The following UGCG variants were observed in gnomAD, a reference collection of about 807,000 sequenced individuals.
The protein encoded by UGCG is ceramide glucosyltransferase.
UGCG carries 10 observed loss-of-function variants against 49.5 expected under a neutral mutation model. That is an observed-to-expected ratio of 0.20 (90% CI 0.12 to 0.34). The LOEUF (loss-of-function observed/expected upper bound fraction) is 0.34. Ranked by LOEUF, UGCG falls within the 10% of genes least tolerant of loss-of-function variation. The probability of loss-of-function intolerance (pLI) is 1.00; values close to 1 mark genes in which losing one functional copy is unlikely to be tolerated. For missense variants in UGCG, 312 were observed against 483.7 expected, an observed-to-expected ratio of 0.65 and a Z score of 3.33; for synonymous variants, 182 against 158.2, an observed-to-expected ratio of 1.15 and a Z score of -1.13.
chr9:111,932,032 A>AAAC lies in UGCG; in HGVS notation c.825-136_825-135insCAA, dbSNP rs1838434968. ...AGAACCCCGTCTCAAGTAAAAAAAA[A>AAAC]AAAACAAAACAAAAAAAGTTTAAAG... is the stretch of plus-strand genomic sequence containing the variant. On this transcript the variant is annotated intron_variant, in intron 7 of 8. Coordinates refer to ENST00000374279, the MANE Select transcript of UGCG (RefSeq NM_003358.3). 5 of 948,590 alleles carry AAAC rather than the reference A, an allele frequency of 5.3e-6. No individual in the cohort carries two copies. The East Asian group carries it at 7.8e-5, about 15-fold the overall frequency. The allele number at this position is 948,590 out of a possible 1,614,324, so 58.8% of individuals were successfully genotyped here. A position where few individuals can be genotyped will look rare whatever the true frequency, so the allele number is the denominator to read the frequency against.
Position 111,932,862 on chromosome 9 carries a change from A to AAAACTT in UGCG, c.1050_1051insAAACTT (p.Ala350_Val351insLysLeu). 6.2e-7 allele frequency: 1 copy of AAAACTT among 1,608,588 alleles called. No individual in the cohort carries two copies. Among genetic ancestry groups the AAAACTT allele is most frequent in the Non-Finnish European group, 8.5e-7 (1 of 1,177,342 alleles). ...TGTGTTTTTCAAAACTTGATTATGC[A>AAAACTT]GTCGCCTGGTTCATCCGCGAATCCA... On this transcript the variant is annotated inframe_insertion, in exon 9 of 9. Coordinates refer to ENST00000374279, the MANE Select transcript of UGCG (RefSeq NM_003358.3).
At chr9:111,904,343 C>T (rs536025135) in intron 1 of UGCG, among the ~76,000 whole-genome samples, 2 of 152,264 alleles carry the variant, frequency 1.3e-5, no homozygotes, top group African/African-American at 2.4e-5. Context: ...ACCTGCATTG[C>T]GGTGCTGCCT....
intron 3 of UGCG, among the ~76,000 whole-genome samples, chr9:111,924,054 C>T (rs1838276181): frequency 6.6e-6 from 1 of 152,150 alleles, no homozygotes; most frequent in Admixed American, 6.5e-5. Context: ...TCCCAAAGTG[C>T]TGGGATTACA....
intron 1 of UGCG, among the ~76,000 whole-genome samples, chr9:111,901,553 A>C (rs1392929591): frequency 6.6e-6 from 1 of 152,162 alleles, no homozygotes; most frequent in Non-Finnish European, 1.5e-5. Context: ...GGGGAGGGAG[A>C]GCATCAAGAA....
chr9:111,925,109 A>G (rs1838293572), intron 4 of UGCG, among the ~76,000 whole-genome samples: 1 of 152,174 alleles, frequency 6.6e-6, no homozygotes, highest in South Asian at 2.1e-4. Context: ...GAAAATTTCA[A>G]CCATTAAATT....
chr9:111,913,514 A>C (rs189977398), intron 1 of UGCG, among the ~76,000 whole-genome samples: 1 of 151,054 alleles, frequency 6.6e-6, no homozygotes, highest in African/African-American at 2.4e-5. Context: ...GCTCACTGCA[A>C]CCTCCACCCC....
intron 1 of UGCG, among the ~76,000 whole-genome samples, chr9:111,904,718 C>T (rs758621314): frequency 2.6e-5 from 4 of 151,938 alleles, no homozygotes; most frequent in African/African-American, 4.8e-5. Flanking sequence ...AAAAATTAGC[C>T]GGGTGTGGTG....
intron 1 of UGCG, among the ~76,000 whole-genome samples, chr9:111,906,828 A>T (rs1837895010): frequency 6.6e-6 from 1 of 152,084 alleles, no homozygotes; most frequent in African/African-American, 2.4e-5. Flanking sequence ...CCCTGCCTGT[A>T]CTTTATTCTC....
At chr9:111,922,985 T>C (rs1373960539) in intron 3 of UGCG, 34 bp downstream of exon 3, 2 of 1,377,250 alleles carry the variant, frequency 1.5e-6, no homozygotes, top group East Asian at 2.3e-5. Context: ...CCATTTTCCA[T>C]TGATAGTATT....
chr9:111,916,830 C>T (rs1838120543), intron 2 of UGCG, among the ~76,000 whole-genome samples: 1 of 151,748 alleles, frequency 6.6e-6, no homozygotes, highest in African/African-American at 2.4e-5. Context: ...TTTCTAATGA[C>T]CCCATAACTG....
chr9:111,907,351 CACTT>C (rs1460458043), intron 1 of UGCG, among the ~76,000 whole-genome samples: 2 of 152,144 alleles, frequency 1.3e-5, no homozygotes, highest in Non-Finnish European at 2.9e-5. Flanking sequence ...AACGATTAGA[CACTT>C]ACACACCCAG....
chr9:111,897,683 T>A (rs1837690139), intron 1 of UGCG, among the ~76,000 whole-genome samples: 1 of 151,892 alleles, frequency 6.6e-6, no homozygotes, highest in Non-Finnish European at 1.5e-5. Context: ...CTGGGCCACG[T>A]TTCTGTTAGG....
chr9:111,930,495 T>A (rs911189026), intron 6 of UGCG, among the ~76,000 whole-genome samples: 5 of 148,946 alleles, frequency 3.4e-5, no homozygotes, highest in Non-Finnish European at 5.9e-5. Flanking sequence ...TTTGAGACAG[T>A]CTCGCCCTGA....
At chr9:111,912,500 AC>A (rs1402779810) in intron 1 of UGCG, among the ~76,000 whole-genome samples, 2 of 151,684 alleles carry the variant, frequency 1.3e-5, no homozygotes, top group African/African-American at 4.8e-5. Flanking sequence ...AATCATTTGA[AC>A]CCGGGAGGCG....
In UGCG at chr9:111,896,931, G is replaced by C. The variant is rs1837670570; in HGVS notation, c.-285G>C. On this transcript the variant is annotated 5_prime_UTR_variant, in exon 1 of 9. Coordinates refer to ENST00000374279, the MANE Select transcript of UGCG (RefSeq NM_003358.3). The stretch of plus-strand genomic sequence containing the variant: ...GGCGGCCGCGAGGCTCGGGAGAGGC[G>C]AACCGGAGCGCGGGACCGCGGTCGC... The C allele has an allele frequency of 1.7e-5, 3 of 180,586 alleles. No homozygotes were observed. In the Admixed American group the frequency reaches 1.9e-4, roughly 11 times the overall value. The allele number at this position is 180,586 out of a possible 1,614,324, so 11.2% of individuals were successfully genotyped here.
chr9:111,898,927 A>C (rs934973959), intron 1 of UGCG, among the ~76,000 whole-genome samples: 6 of 152,222 alleles, frequency 3.9e-5, no homozygotes, highest in African/African-American at 1.4e-4. Context: ...CGTTTTGTGC[A>C]AGGCACTGTT....
chr9:111,911,923 T>C (rs763604502), intron 1 of UGCG, among the ~76,000 whole-genome samples: 31 of 21,652 alleles, frequency 1.4e-3, no homozygotes, highest in African/African-American at 6.5e-3. Context: ...TATATATATA[T>C]ATATATATAT....
intron 5 of UGCG, among the ~76,000 whole-genome samples, chr9:111,927,057 A>T (rs1838328095): frequency 6.6e-6 from 1 of 151,068 alleles, no homozygotes. Flanking sequence ...TTTTAGTAGA[A>T]ATGGGGTTTC....
rs148825376 is a variant in UGCG, at chr9:111,921,347, A to G, written c.241-1502A>G. On this transcript the variant is annotated intron_variant, in intron 2 of 8. Transcript: ENST00000374279. ...GTAGTATTTTTGTATGTTAAGGACA[A>G]ATACTTAAAAAATTTAGTTGTTGAC... Among the ~76,000 whole-genome samples, 542 of 152,210 alleles carry G rather than the reference A, an allele frequency of 3.6e-3. 5 individuals carry two copies. The highest frequency in any genetic ancestry group is 0.012 in the African/African-American group (508 of 41,540).
Sources: gnomAD v4.1 joint callset for allele counts (sites outside exome capture counted in the v4.1 genomes callset) on GRCh38, gnomAD v4.1.1 for gene constraint, MANE v1.5 for transcripts, NCBI Gene and HGNC (gene_info 2026-07-23, HGNC 2026-07-21) for gene names.